Variants in LTBP1 observed in about 807,000 individuals in gnomAD.
LTBP1 encodes the protein latent-transforming growth factor beta-binding protein 1.
In LTBP1, 129 loss-of-function variants were observed where a neutral mutation model predicts 207.6. That is an observed-to-expected ratio of 0.62 (90% CI 0.54 to 0.72). The LOEUF is 0.72. LTBP1 is among the 30% of genes least tolerant of loss of function. The pLI is 0.00. For missense variants in LTBP1, 2,281 were observed against 2,217.2 expected (o/e 1.03, Z -0.58); for synonymous variants, 963 against 833.7 (o/e 1.16, Z -2.67).
intron 11 of LTBP1, among the ~76,000 whole-genome samples, chr2:33,256,705 A>G (rs2092861876): frequency 8.6e-6 from 1 of 116,946 alleles, no homozygotes; most frequent in Non-Finnish European, 1.8e-5. Context: ...TTGCTGATAT[A>G]TATGGGATGG....
intron 5 of LTBP1, among the ~76,000 whole-genome samples, chr2:33,158,355 A>G (rs753090921): frequency 2.0e-5 from 3 of 152,182 alleles, no homozygotes; most frequent in Non-Finnish European, 2.9e-5. Flanking sequence ...GAAATATTCT[A>G]TGTAACTGGG....
intron 4 of LTBP1, among the ~76,000 whole-genome samples, chr2:33,129,832 G>A (rs2081661824): frequency 6.6e-6 from 1 of 152,106 alleles, no homozygotes; most frequent in Non-Finnish European, 1.5e-5. Context: ...TCCTGCCTCA[G>A]TAACTCAAGA....
intron 31 of LTBP1, among the ~76,000 whole-genome samples, chr2:33,385,282 A>G (rs887825932): frequency 6.6e-6 from 1 of 152,214 alleles, no homozygotes; most frequent in Non-Finnish European, 1.5e-5. Flanking sequence ...ACAAGATTTA[A>G]AAACACCTGT....
intron 7 of LTBP1, among the ~76,000 whole-genome samples, chr2:33,212,218 G>T (rs1409992338): frequency 1.3e-5 from 2 of 152,214 alleles, no homozygotes; most frequent in Non-Finnish European, 2.9e-5. Flanking sequence ...CATGCACTCA[G>T]TGTTCCAGGA....
chr2:33,336,148 A>G (rs1267913551), intron 24 of LTBP1, among the ~76,000 whole-genome samples: 1 of 152,226 alleles, frequency 6.6e-6, no homozygotes, highest in African/African-American at 2.4e-5. Flanking sequence ...TTTAAGGACA[A>G]GAAGACTTGA....
At chr2:33,001,148 TTG>T (rs1686016732) in intron 2 of LTBP1, among the ~76,000 whole-genome samples, 1 of 135,052 alleles carries the variant, frequency 7.4e-6, no homozygotes, top group Non-Finnish European at 1.6e-5. Flanking sequence ...TCCATTCACA[TTG>T]TGGGATTGCC....
chr2:33,135,058 A>C, intron 5 of LTBP1, 98 bp downstream of exon 5: 1 of 1,246,314 alleles, frequency 8.0e-7, no homozygotes, highest in Non-Finnish European at 1.1e-6. Context: ...TGTCTGCTTC[A>C]ATGGGTGTCT....
chr2:33,031,557 A>G (rs1041496755), intron 3 of LTBP1, among the ~76,000 whole-genome samples: 1 of 152,246 alleles, frequency 6.6e-6, no homozygotes, highest in African/African-American at 2.4e-5. Flanking sequence ...GCATAGTATA[A>G]ATTCTAATGG....
chr2:33,110,026 C>A (rs1011941190), intron 3 of LTBP1, among the ~76,000 whole-genome samples: 1 of 152,154 alleles, frequency 6.6e-6, no homozygotes, highest in African/African-American at 2.4e-5. Flanking sequence ...TTCGCTATTT[C>A]CCCCCTTCCC....
At chr2:33,391,542 C>T (rs2095314503) in intron 32 of LTBP1, among the ~76,000 whole-genome samples, 1 of 152,192 alleles carries the variant, frequency 6.6e-6, no homozygotes, top group South Asian at 2.1e-4. Context: ...CTCTGACAAT[C>T]CCGTGGCTTA....
chr2:33,128,478 G>C lies in LTBP1; in HGVS notation c.1034-6315G>C, dbSNP rs143330505. ...TTGTCAGTTGCACATCTGCACATCC[G>C]GGTCCTCCAGCCACATGGCCATGGT... On this transcript the variant is annotated intron_variant, in intron 4 of 33. Coordinates refer to ENST00000404816, the MANE Select transcript of LTBP1 (RefSeq NM_206943.4). 1.1e-4 allele frequency among the ~76,000 whole-genome samples: 16 copies of C among 152,350 alleles called. No homozygotes were observed. The East Asian group carries it at 3.1e-3, about 29-fold the overall frequency.
intron 2 of LTBP1, among the ~76,000 whole-genome samples, chr2:32,992,554 C>G (rs1684579955): frequency 6.6e-6 from 1 of 152,126 alleles, no homozygotes; most frequent in Non-Finnish European, 1.5e-5. Flanking sequence ...CTCTCTGCCT[C>G]AGTTATTTGT....
intron 1 of LTBP1, 59 bp from the exon 2 acceptor site, chr2:32,948,816 T>G: frequency 1.3e-6 from 2 of 1,482,234 alleles, no homozygotes; most frequent in Non-Finnish European, 1.9e-6. Context: ...GCTGGAAGCT[T>G]GGGTTCTTGG....
chr2:33,103,273 T>C (rs1263428362), intron 3 of LTBP1, among the ~76,000 whole-genome samples: 1 of 152,118 alleles, frequency 6.6e-6, no homozygotes, highest in Non-Finnish European at 1.5e-5. Flanking sequence ...ATACAGTCTG[T>C]ATGCTGTATG....
At chr2:33,367,410 CATAGTGGTAAAT>C (rs2095004128) in intron 31 of LTBP1, among the ~76,000 whole-genome samples, 2 of 148,594 alleles carry the variant, frequency 1.3e-5, no homozygotes, top group South Asian at 4.3e-4. Context: ...GCAAGTATTC[CATAGTGGTAAAT>C]AAAGTCTGTG....
chr2:33,332,701 C>T (rs536930887), intron 24 of LTBP1, among the ~76,000 whole-genome samples: 4 of 151,958 alleles, frequency 2.6e-5, no homozygotes, highest in South Asian at 2.1e-4. Flanking sequence ...GGACTACAGG[C>T]GCCCACCACC....
rs1430469089 is a variant in LTBP1 at position 33,363,383 on chromosome 2, C to T, written c.4271-7C>T. ...CTTTTTGTATTTCTCAATTTTTTTC[C>T]CCGTAGATGCAGATGAATGCCTACT... On this transcript the variant is annotated splice_polypyrimidine_tract_variant and splice_region_variant and intron_variant, in intron 28 of 33. Transcript: ENST00000404816. The T allele has an allele frequency of 1.2e-6, 2 of 1,611,748 alleles. No homozygotes were observed. Among genetic ancestry groups the T allele is most frequent in the East Asian group, 2.2e-5 (1 of 44,838 alleles).
chr2:33,073,580 A>T (rs1462552649), intron 3 of LTBP1, among the ~76,000 whole-genome samples: 1 of 152,060 alleles, frequency 6.6e-6, no homozygotes, highest in African/African-American at 2.4e-5. Context: ...GGAAATAATT[A>T]AATTTTATTC....
At chr2:33,006,088 AT>A (rs5830248) in intron 2 of LTBP1, among the ~76,000 whole-genome samples, 26,061 of 152,076 alleles carry the variant, frequency 0.17, 3,254 homozygotes, top group East Asian at 0.68. Flanking sequence ...CTAAGAAAAA[AT>A]TTAAAAATCA....
Sources: gnomAD v4.1 joint callset for allele counts (sites outside exome capture counted in the v4.1 genomes callset) on GRCh38, gnomAD v4.1.1 for gene constraint, MANE v1.5 for transcripts, NCBI Gene and HGNC (gene_info 2026-07-23, HGNC 2026-07-21) for gene names.